The following PCM1 variants were observed in gnomAD, a reference collection of about 807,000 sequenced individuals.
PCM1 encodes the protein pericentriolar material 1.
PCM1 carries 157 observed loss-of-function variants against 241.9 expected under a neutral mutation model. The observed-to-expected ratio is 0.65, with a 90% CI of 0.57 to 0.74. PCM1 has a LOEUF of 0.74. PCM1 is among the 30% of genes least tolerant of loss of function. PCM1 has a pLI of 0.00. For synonymous variants in PCM1, 1,085 were observed against 784.9 expected, an observed-to-expected ratio of 1.38 and a Z score of -6.39; for missense variants, 3,478 against 2,360.1, an observed-to-expected ratio of 1.47 and a Z score of -9.81.
At chr8:17,932,988 T>C (rs2059464908) in intron 2 of PCM1, among the ~76,000 whole-genome samples, 1 of 152,156 alleles carries the variant, frequency 6.6e-6, no homozygotes, top group Non-Finnish European at 1.5e-5. Context: ...ATTGAGAAAG[T>C]AGTGACTCAA....
At chr8:17,968,110 C>T (rs368602972) in intron 21 of PCM1, among the ~76,000 whole-genome samples, 15 of 151,492 alleles carry the variant, frequency 9.9e-5, no homozygotes, top group African/African-American at 2.9e-4. Context: ...AATTTATTTC[C>T]AGAGAGATTA....
At chr8:18,002,932 T>C (rs1249803413) in intron 29 of PCM1, among the ~76,000 whole-genome samples, 1 of 152,220 alleles carries the variant, frequency 6.6e-6, no homozygotes, top group Admixed American at 6.5e-5. Flanking sequence ...ACTCTCCTAC[T>C]AGAGTTGTTA....
At position 18,029,380 on chromosome 8, in the gene PCM1, T is replaced by G. The variant is rs979505746; in HGVS notation, c.*1718T>G. 4 of 214,940 alleles carry G rather than the reference T, an allele frequency of 1.9e-5. No homozygotes were observed. The highest frequency in any genetic ancestry group is 6.9e-5 in the African/African-American group (3 of 43,568). 13.3% of individuals were successfully genotyped at this position (214,940 alleles called of 1,614,324 possible). A position where few individuals can be genotyped will look rare whatever the true frequency, so the allele number is the denominator to read the frequency against. On this transcript the variant is annotated 3_prime_UTR_variant, in exon 39 of 39. Coordinates refer to ENST00000325083, the MANE Select transcript of PCM1 (RefSeq NM_006197.4). ...GTGCTCTAACTAACTTCAGGGAAAT[T>G]GGAACAATAAGTTATGTTACATGCA...
At chr8:17,943,726 GA>G (rs994480059) in intron 6 of PCM1, among the ~76,000 whole-genome samples, 1 of 151,896 alleles carries the variant, frequency 6.6e-6, no homozygotes, top group Non-Finnish European at 1.5e-5. Context: ...TTCTTCAGGG[GA>G]AAAAATCTTA....
intron 29 of PCM1, among the ~76,000 whole-genome samples, chr8:18,001,793 A>G (rs1226996149): frequency 2.6e-5 from 4 of 151,870 alleles, no homozygotes; most frequent in Admixed American, 2.6e-4. Flanking sequence ...TTTTTTTGGA[A>G]TGTTTTGAGA....
At chr8:17,979,288 A>G (rs2079854626) in intron 23 of PCM1, among the ~76,000 whole-genome samples, 1 of 152,150 alleles carries the variant, frequency 6.6e-6, no homozygotes, top group South Asian at 2.1e-4. Flanking sequence ...ATTATTTGGG[A>G]AGCATTAGGT....
intron 8 of PCM1, 130 bp downstream of exon 8, chr8:17,950,854 G>A: frequency 1.6e-6 from 1 of 640,546 alleles, no homozygotes; most frequent in Non-Finnish European, 2.7e-6. Flanking sequence ...GATTGGTGGG[G>A]TCCCCCCCAC....
chr8:17,948,818 C>G (rs545537612), intron 7 of PCM1, among the ~76,000 whole-genome samples: 27 of 152,156 alleles, frequency 1.8e-4, no homozygotes, highest in Non-Finnish European at 3.5e-4. Context: ...AAATATTTTT[C>G]GAGTTTGGAA....
At chr8:17,955,097 CCAAGTT>C (rs2067634485) in intron 9 of PCM1, among the ~76,000 whole-genome samples, 1 of 152,002 alleles carries the variant, frequency 6.6e-6, no homozygotes. Flanking sequence ...TAACCTAGAA[CCAAGTT>C]TATCAAGTTA....
intron 6 of PCM1, among the ~76,000 whole-genome samples, chr8:17,946,473 ATTAC>A (rs1339374567): frequency 1.3e-5 from 2 of 151,742 alleles, no homozygotes; most frequent in African/African-American, 4.8e-5. Flanking sequence ...GTTTTTAAAT[ATTAC>A]TTCTAGTCTT....
intron 34 of PCM1, chr8:18,013,719 T>C (rs1230462306): frequency 7.6e-6 from 3 of 395,454 alleles, no homozygotes; most frequent in Non-Finnish European, 1.3e-5. Context: ...AAATGAACAG[T>C]GCAGTCTGTT....
rs762038136 is a variant in PCM1 at position 17,947,295 on chromosome 8, G to A, written c.893G>A (p.Gly298Glu). The A allele has an allele frequency of 3.1e-6, 5 of 1,612,810 alleles. No individual in the cohort carries two copies. In the South Asian group the frequency reaches 4.4e-5, roughly 14 times the overall value. Residue 298 changes from glycine to glutamate, a missense_variant, in exon 7 of 39, where the codon GGA becomes GAA. Gly to Glu is a moderately conservative substitution (Grantham distance 98). Coordinates refer to ENST00000325083, the MANE Select transcript of PCM1 (RefSeq NM_006197.4). ...QQQEQLRALQGRQAALLALQH... is the reference protein window; with the variant it reads ...QQQEQLRALQERQAALLALQH... Reference sequence around the variant, plus strand: ...CAGGAGCAACTAAGAGCTCTACAGGGACGGCAGGCTGCACTTCTAGCTCTG... The same window carrying A: ...CAGGAGCAACTAAGAGCTCTACAGGAACGGCAGGCTGCACTTCTAGCTCTG...
At position 17,956,852 on chromosome 8, in the gene PCM1, C is replaced by T. The variant is rs530265953; in HGVS notation, c.1646+75C>T. ...TACTTATAATGTGGGAACAAAAATA[C>T]TTCGTTGTAGTATTTACTATTTGCC... is the stretch of plus-strand genomic sequence containing the variant. On this transcript the variant is annotated intron_variant, in intron 11 of 38. Transcript: ENST00000325083. The T allele has an allele frequency of 8.5e-6, 10 of 1,178,804 alleles. No homozygotes were observed. The East Asian group carries it at 2.3e-4, about 27-fold the overall frequency. 73.0% of individuals were successfully genotyped at this position (1,178,804 alleles called of 1,614,324 possible). A position where few individuals can be genotyped will look rare whatever the true frequency, so the allele number is the denominator to read the frequency against.
chr8:17,953,194 A>C lies in PCM1; in HGVS notation c.1288+8A>C. The C allele has an allele frequency of 2.0e-6, 3 of 1,477,204 alleles. No homozygotes were observed. Among genetic ancestry groups the C allele is most frequent in the Non-Finnish European group, 2.8e-6 (3 of 1,077,650 alleles). 91.5% of individuals were successfully genotyped at this position (1,477,204 alleles called of 1,614,324 possible). On this transcript the variant is annotated splice_region_variant and intron_variant, in intron 9 of 38. Transcript: ENST00000325083. ...ATCTTAACAATTCATCATGTGAGTA[A>C]ATCTGGTTCAGCAGTATTGGGTATA...
At chr8:17,949,859 T>C (rs948258709) in intron 7 of PCM1, among the ~76,000 whole-genome samples, 1 of 152,188 alleles carries the variant, frequency 6.6e-6, no homozygotes, top group Non-Finnish European at 1.5e-5. Context: ...TATTTGTTAG[T>C]AGAACAGTGA....
intron 18 of PCM1, 104 bp from the exon 19 acceptor site, chr8:17,965,895 A>C: frequency 1.4e-6 from 1 of 705,816 alleles, no homozygotes; most frequent in Non-Finnish European, 2.3e-6. Flanking sequence ...CTTTTAATTT[A>C]AAACAGAATA....
chr8:18,000,478 G>A (rs891825660), intron 29 of PCM1, among the ~76,000 whole-genome samples: 7 of 152,072 alleles, frequency 4.6e-5, no homozygotes, highest in African/African-American at 1.2e-4. Flanking sequence ...AAAGAAATAC[G>A]TAATTGGGAT....
Position 17,942,115 on chromosome 8 carries a change from T to C in PCM1, c.783+2254T>C, listed in dbSNP as rs191402795. Among the ~76,000 whole-genome samples the C allele has an allele frequency of 3.9e-5, 6 of 152,282 alleles. No individual in the cohort carries two copies. The East Asian group carries it at 1.2e-3, about 29-fold the overall frequency. ...TATTCCCTTTTTTATAAATTGCGAG[T>C]ATAATTTATAACACGTTCTTAAACC... On this transcript the variant is annotated intron_variant, in intron 6 of 38. Coordinates refer to ENST00000325083, the MANE Select transcript of PCM1 (RefSeq NM_006197.4).
chr8:17,926,026 A>G (rs2056816876), intron 2 of PCM1: 2 of 152,002 alleles, frequency 1.3e-5, no homozygotes, highest in South Asian at 4.1e-4. Context: ...TGGAAGACTA[A>G]CAAAACAGGG....
Sources: allele counts gnomAD v4.1 joint callset (sites outside exome capture counted in the v4.1 genomes callset), GRCh38; gene constraint gnomAD v4.1.1; transcripts MANE v1.5; gene names NCBI Gene and HGNC (gene_info 2026-07-23, HGNC 2026-07-21).